Variants in PRMT8 observed in about 807,000 individuals in gnomAD.
PRMT8 encodes protein arginine methyltransferase 8.
Under a neutral mutation model 47.1 loss-of-function variants are expected in PRMT8, and 7 were observed. The ratio of observed to expected loss-of-function variants is 0.15; its 90% CI spans 0.08 to 0.28. The LOEUF is 0.28. PRMT8 is among the 10% of genes least tolerant of loss of function. PRMT8 has a pLI of 1.00. For synonymous variants in PRMT8, 188 were observed against 186.5 expected (o/e 1.01, Z -0.07); for missense variants, 237 against 505.4 (o/e 0.47, Z 5.09).
At chr12:3,428,574 AC>A (rs1349619838) in intron 1 of PRMT8, among the ~76,000 whole-genome samples, 1 of 152,162 alleles carries the variant, frequency 6.6e-6, no homozygotes, top group Non-Finnish European at 1.5e-5. Flanking sequence ...TTATAGGGTC[AC>A]GGAGAAGACC....
intron 1 of PRMT8, among the ~76,000 whole-genome samples, chr12:3,413,966 C>T (rs1864459127): frequency 6.6e-6 from 1 of 152,056 alleles, no homozygotes; most frequent in South Asian, 2.1e-4. Flanking sequence ...TGTCCTGGGA[C>T]CAAATCCCCC....
At chr12:3,518,741 G>A (rs948139696) in intron 1 of PRMT8, among the ~76,000 whole-genome samples, 8 of 152,138 alleles carry the variant, frequency 5.3e-5, no homozygotes, top group Non-Finnish European at 8.8e-5. Context: ...AACACAGAAT[G>A]TCTCAAAAGC....
chr12:3,553,680 A>G lies in PRMT8; in HGVS notation c.447A>G (p.Ser149=), dbSNP rs1378167586. ...GIECSSISDY[S]EKIIKANHLD... ...AATGCTCCAGTATTTCTGACTACTC[A>G]GAGAAGATCATTAAGGCCAACCACT... The change falls in exon 4 of 10, where the codon TCA becomes TCG. Residue 149 remains serine (S), a synonymous_variant. Transcript: ENST00000382622. 4 of 1,608,088 alleles carry G rather than the reference A, an allele frequency of 2.5e-6. No individual in the cohort carries two copies. The Admixed American group carries it at 5.0e-5, about 20-fold the overall frequency.
In PRMT8 at chr12:3,493,564, G is replaced by T. The variant is rs1865458034; in HGVS notation, c.75+1864G>T. Among the ~76,000 whole-genome samples the T allele has an allele frequency of 6.6e-6, 1 of 152,210 alleles. No individual in the cohort carries two copies. The highest frequency in any genetic ancestry group is 1.5e-5 in the Non-Finnish European group (1 of 68,040). On this transcript the variant is annotated intron_variant, in intron 1 of 9. Coordinates refer to ENST00000382622, the MANE Select transcript of PRMT8 (RefSeq NM_019854.5). The surrounding 1 kb of genome is among the most constrained non-coding windows in gnomAD (Gnocchi z 8.2). ...CCCCGCTGCCGCGCGGGGTCTGGGT[G>T]CAGACCCCTGCCAGGTTCCGCAGTG... is the stretch of plus-strand genomic sequence containing the variant.
chr12:3,415,228 G>C (rs975731650), intron 1 of PRMT8, among the ~76,000 whole-genome samples: 2 of 152,170 alleles, frequency 1.3e-5, no homozygotes, highest in African/African-American at 4.8e-5. Flanking sequence ...CGAGGCATGG[G>C]GAAGGGACAT....
At chr12:3,442,367 T>C (rs1864812414) in intron 1 of PRMT8, among the ~76,000 whole-genome samples, 2 of 151,438 alleles carry the variant, frequency 1.3e-5, no homozygotes, top group Non-Finnish European at 2.9e-5. Flanking sequence ...TGAAGGACAA[T>C]GACTTTTCAG....
intron 1 of PRMT8, among the ~76,000 whole-genome samples, chr12:3,414,425 C>A (rs1864463560): frequency 6.6e-6 from 1 of 152,190 alleles, no homozygotes; most frequent in Non-Finnish European, 1.5e-5. Flanking sequence ...CCTTGACACT[C>A]TTAGTGGTGG....
chr12:3,496,214 A>ATATATATATATATATTTTTTTT, intron 1 of PRMT8, among the ~76,000 whole-genome samples: 6 of 27,772 alleles, frequency 2.2e-4, no homozygotes, highest in East Asian at 1.7e-3. Context: ...ATATATATAT[A>ATATATATATATATATTTTTTTT]TTTTTTTTTT....
At chr12:3,400,809 C>A (rs2137050769) in intron 1 of PRMT8, among the ~76,000 whole-genome samples, 1 of 152,200 alleles carries the variant, frequency 6.6e-6, no homozygotes, top group Non-Finnish European at 1.5e-5. Flanking sequence ...GCTTATCCAC[C>A]AGGATCAAGT....
chr12:3,424,527 A>T (rs759352672), intron 1 of PRMT8, among the ~76,000 whole-genome samples: 1 of 152,128 alleles, frequency 6.6e-6, no homozygotes, highest in Non-Finnish European at 1.5e-5. Context: ...ACAGGCATCA[A>T]ATTTCAAGAT....
In PRMT8 at chr12:3,553,572, G is replaced by A. The variant is rs1036418665; in HGVS notation, c.418-79G>A. On this transcript the variant is annotated intron_variant, in intron 3 of 9. Coordinates refer to ENST00000382622, the MANE Select transcript of PRMT8 (RefSeq NM_019854.5). ...TCACCACCCCTGTCTGGGCCTCAGCGTCTCTATCCATTGAATCGGTGTGGG... is the reference window on the plus strand; with the variant it reads ...TCACCACCCCTGTCTGGGCCTCAGCATCTCTATCCATTGAATCGGTGTGGG... 67 of 1,226,102 alleles carry A rather than the reference G, an allele frequency of 5.5e-5. 1 individual carries two copies. Among genetic ancestry groups the A allele is most frequent in the South Asian group, 4.3e-4 (36 of 82,968 alleles). 76.0% of individuals were successfully genotyped at this position (1,226,102 alleles called of 1,614,324 possible). A position where few individuals can be genotyped will look rare whatever the true frequency, so the allele number is the denominator to read the frequency against.
At chr12:3,415,718 A>G (rs1250264038) in intron 1 of PRMT8, among the ~76,000 whole-genome samples, 1 of 152,222 alleles carries the variant, frequency 6.6e-6, no homozygotes, top group African/African-American at 2.4e-5. Flanking sequence ...GCAAAATAAC[A>G]TCCAAGAGCT....
intron 4 of PRMT8, among the ~76,000 whole-genome samples, chr12:3,559,834 C>A (rs1052551079): frequency 2.6e-5 from 4 of 152,150 alleles, no homozygotes; most frequent in Non-Finnish European, 5.9e-5. Flanking sequence ...TTGTGGCATC[C>A]GCACCCCTAC....
At chr12:3,385,997 T>A (rs191607248) in intron 1 of PRMT8, among the ~76,000 whole-genome samples, 7 of 152,386 alleles carry the variant, frequency 4.6e-5, no homozygotes, top group African/African-American at 1.7e-4. Flanking sequence ...ATGACTCTTC[T>A]ATATTTGACA....
At chr12:3,440,183 G>A (rs192949771) in intron 1 of PRMT8, among the ~76,000 whole-genome samples, 5 of 152,270 alleles carry the variant, frequency 3.3e-5, no homozygotes, top group Admixed American at 1.3e-4. Context: ...TATCTAGGCC[G>A]GGCGTGGTGG....
rs1051040704 is a variant in PRMT8, at chr12:3,569,736, C to T, written c.712+172C>T. 6.6e-6 allele frequency among the ~76,000 whole-genome samples: 1 copy of T among 152,240 alleles called. No homozygotes were observed. Among genetic ancestry groups the T allele is most frequent in the East Asian group, 1.9e-4 (1 of 5,186 alleles). ...CTCTCTAAATGTTTCTATCTAGTCC[C>T]AAGGGTGTTAGGTCTACAGACAGAA... On this transcript the variant is annotated intron_variant, in intron 6 of 9. Transcript: ENST00000382622. The surrounding 1 kb of genome is among the most constrained non-coding windows in gnomAD (Gnocchi z 8.2).
At chr12:3,494,664 T>C (rs1452377673) in intron 1 of PRMT8, among the ~76,000 whole-genome samples, 1 of 152,210 alleles carries the variant, frequency 6.6e-6, no homozygotes, top group Admixed American at 6.5e-5. Flanking sequence ...ACTCTAACCA[T>C]TGGGCAGGAA....
chr12:3,391,857 G>A (rs192990376), intron 1 of PRMT8, among the ~76,000 whole-genome samples: 280 of 152,294 alleles, frequency 1.8e-3, no homozygotes, highest in African/African-American at 6.6e-3. Context: ...GAACTAGGGT[G>A]CAGATGGGGA....
intron 1 of PRMT8, among the ~76,000 whole-genome samples, chr12:3,447,091 T>C (rs1864863799): frequency 6.6e-6 from 1 of 152,130 alleles, no homozygotes; most frequent in African/African-American, 2.4e-5. Context: ...GTGATCACTC[T>C]GGGCAGCCCT....
Sources: allele counts gnomAD v4.1 joint callset (sites outside exome capture counted in the v4.1 genomes callset), GRCh38; gene constraint gnomAD v4.1.1; non-coding constraint Gnocchi (gnomAD v3.1); transcripts MANE v1.5; gene names NCBI Gene and HGNC (gene_info 2026-07-23, HGNC 2026-07-21).